ZMYM6: variants seen among roughly 807,000 people sequenced by gnomAD.
ZMYM6 encodes the protein zinc finger MYM-type protein 6.
ZMYM6 carries 90 observed loss-of-function variants against 134.0 expected under a neutral mutation model. That is an observed-to-expected ratio of 0.67 (90% CI 0.57 to 0.80). The LOEUF is 0.80. Ranked by LOEUF, ZMYM6 falls within the 30% of genes least tolerant of loss-of-function variation. The pLI, the probability that ZMYM6 is intolerant of heterozygous loss-of-function variation, is 0.00. For synonymous variants in ZMYM6, 481 were observed against 524.1 expected, an observed-to-expected ratio of 0.92 and a Z score of 1.12; for missense variants, 1,362 against 1,533.9, an observed-to-expected ratio of 0.89 and a Z score of 1.87.
At chr1:35,010,317 G>A (rs761149096) in intron 10 of ZMYM6, 130 bp downstream of exon 10, 71 of 1,223,832 alleles carry the variant, frequency 5.8e-5, no homozygotes, top group South Asian at 9.4e-5. Flanking sequence ...CTCCATGCCC[G>A]GCCTCCAAAA....
Position 34,987,714 on chromosome 1 carries a change from A to G in ZMYM6, c.3368T>C (p.Ile1123Thr), listed in dbSNP as rs1283388147. 1 of 1,550,966 alleles carries G rather than the reference A, an allele frequency of 6.4e-7. No homozygotes were observed. Among genetic ancestry groups the G allele is most frequent in the Non-Finnish European group, 8.7e-7 (1 of 1,146,776 alleles). Residue 1123 changes from isoleucine to threonine, a missense_variant, in exon 16 of 16, where the codon ATA (isoleucine) becomes ACA (threonine). Physicochemically the swap from Ile to Thr is moderately conservative, Grantham distance 89. This residue lies in a region of ZMYM6 where 824 missense variants were observed against 940.9 expected (regional missense o/e 0.88). Transcript: ENST00000357182. Reference sequence around the variant, plus strand: ...TTGGAGACTTAAATTTAATTCATTTATAAGTGAAAATATATCTGATAAGTA... The same window carrying G: ...TTGGAGACTTAAATTTAATTCATTTGTAAGTGAAAATATATCTGATAAGTA... ...LAYLSDIFSL[I>T]NELNLSLQGT...
Position 34,988,687 on chromosome 1 carries a change from T to C in ZMYM6, c.2395A>G (p.Lys799Glu). The change falls in exon 16 of 16, where the codon AAA becomes GAA. Residue 799 changes from lysine (K) to glutamate (E), a missense_variant. Physicochemically the swap from Lys to Glu is moderately conservative, Grantham distance 56. Transcript: ENST00000357182. ...LKTKHSELEN[K>E]PVDFFEQKSL... ...TTTTGTTCAAAAAAATCTACTGGTT[T>C]GTTTTCTAATTCTGAATGTTTTGTC... is the stretch of plus-strand genomic sequence containing the variant. 1 of 1,549,570 alleles carries C rather than the reference T, an allele frequency of 6.5e-7. No homozygotes were observed. Among genetic ancestry groups the C allele is most frequent in the Admixed American group, 2.0e-5 (1 of 50,692 alleles).
intron 12 of ZMYM6, among the ~76,000 whole-genome samples, chr1:35,005,623 T>C (rs1640952264): frequency 9.2e-6 from 1 of 108,348 alleles, no homozygotes; most frequent in African/African-American, 4.2e-5. Flanking sequence ...TAGCAAAACC[T>C]AGTCTCAAAA....
chr1:35,013,358 T>A (rs1362914249), intron 6 of ZMYM6: 1 of 980,252 alleles, frequency 1.0e-6, no homozygotes, highest in Non-Finnish European at 1.2e-6. Context: ...CAGTGATACA[T>A]TATAAGGTCT....
rs1428915551 is a variant in ZMYM6 at position 34,988,527 on chromosome 1, A to C, written c.2555T>G (p.Leu852Ter). 6.4e-7 allele frequency: 1 copy of C among 1,551,126 alleles called. No homozygotes were observed. The highest frequency in any genetic ancestry group is 1.2e-5 in the South Asian group (1 of 83,856). ...CATTTCTACTAAATATGGTTTAATTAATTCTTCAGCAATGGAGAATGGCTT... is the reference window on the plus strand; with the variant it reads ...CATTTCTACTAAATATGGTTTAATTCATTCTTCAGCAATGGAGAATGGCTT... ...SKKPFSIAEE[L>*]IKPYLVEMCS... Residue 852 changes from leucine (L) to a stop codon, truncating the protein, a stop_gained, in exon 16 of 16, where the codon TTA (leucine) becomes TGA (stop). Transcript: ENST00000357182. LOFTEE classifies it high-confidence loss of function.
intron 14 of ZMYM6, among the ~76,000 whole-genome samples, chr1:35,002,022 A>G (rs1046314500): frequency 2.0e-5 from 3 of 152,172 alleles, no homozygotes; most frequent in Non-Finnish European, 4.4e-5. Context: ...CATTTAGATC[A>G]CCTTCAAAAA....
chr1:35,030,948 T>A (rs1463913903), intron 1 of ZMYM6, among the ~76,000 whole-genome samples: 1 of 152,158 alleles, frequency 6.6e-6, no homozygotes. Flanking sequence ...CACAACACAC[T>A]CTGGTTTTTT....
chr1:35,031,245 T>C (rs1014699714), intron 1 of ZMYM6: 2 of 152,292 alleles, frequency 1.3e-5, no homozygotes, highest in Admixed American at 6.5e-5. Flanking sequence ...AGGAACGCCC[T>C]TACTGAAAGT....
Position 35,030,567 on chromosome 1 carries a change from CTTT to C in ZMYM6, c.70_72del (p.Lys24del), listed in dbSNP as rs1346289237. 6.2e-7 allele frequency: 1 copy of C among 1,612,790 alleles called. No individual in the cohort carries two copies. The highest frequency in any genetic ancestry group is 8.5e-7 in the Non-Finnish European group (1 of 1,179,858). On this transcript the variant is annotated inframe_deletion, in exon 2 of 16. Coordinates refer to ENST00000357182, the MANE Select transcript of ZMYM6 (RefSeq NM_007167.4). The stretch of plus-strand genomic sequence containing the variant: ...CTTACTTGAGCATTGTCTGGTTCTT[CTTT>C]AATTTTGTCCAGAAGCTCCTGCTGT...
Position 34,991,797 on chromosome 1 carries a change from A to C in ZMYM6, c.2146+437T>G, listed in dbSNP as rs1287557350. On this transcript the variant is annotated intron_variant, in intron 15 of 15. Coordinates refer to ENST00000357182, the MANE Select transcript of ZMYM6 (RefSeq NM_007167.4). Reference sequence around the variant, plus strand: ...AAAAAAACAAACAAACAAACAAAAAAAAACCCAGTGCTTTAGGCACAGTAG... The same window carrying C: ...AAAAAAACAAACAAACAAACAAAAACAAACCCAGTGCTTTAGGCACAGTAG... Among the ~76,000 whole-genome samples the C allele has an allele frequency of 1.2e-4, 19 of 152,136 alleles. No individual in the cohort carries two copies. The East Asian group carries it at 3.7e-3, about 29-fold the overall frequency.
Position 35,030,567 on chromosome 1 carries a change from CTTTAAT to C in ZMYM6, c.67_72del (p.Ile23_Lys24del). 6.2e-7 allele frequency: 1 copy of C among 1,612,790 alleles called. No homozygotes were observed. The highest frequency in any genetic ancestry group is 8.5e-7 in the Non-Finnish European group (1 of 1,179,858). On this transcript the variant is annotated inframe_deletion, in exon 2 of 16. Coordinates refer to ENST00000357182, the MANE Select transcript of ZMYM6 (RefSeq NM_007167.4). ...CTTACTTGAGCATTGTCTGGTTCTTCTTTAATTTTGTCCAGAAGCTCCTGCTGTGGT... is the reference window on the plus strand; with the variant it reads ...CTTACTTGAGCATTGTCTGGTTCTTCTTTGTCCAGAAGCTCCTGCTGTGGT...
In ZMYM6 at chr1:34,988,577, A is replaced by T. The variant is rs751889890; in HGVS notation, c.2505T>A (p.Ile835=). The T allele has an allele frequency of 4.5e-6, 7 of 1,551,026 alleles. No individual in the cohort carries two copies. The South Asian group carries it at 7.1e-5, about 16-fold the overall frequency. The change falls in exon 16 of 16, where the codon ATT becomes ATA. Residue 835 remains isoleucine, a synonymous_variant. Transcript: ENST00000357182. ...EKSLVKASYL[I]AFQTAASKKP... ...TCTTGCTTGCAGCAGTTTGGAAAGC[A>T]ATTAAATAAGAAGCTTTCACAAGTG...
chr1:35,016,355 G>A (rs1374738930), intron 4 of ZMYM6, among the ~76,000 whole-genome samples: 1 of 152,162 alleles, frequency 6.6e-6, no homozygotes, highest in African/African-American at 2.4e-5. Flanking sequence ...GGGCTGTTAA[G>A]GCTTTGTATC....
intron 15 of ZMYM6, among the ~76,000 whole-genome samples, chr1:34,991,726 C>T (rs141048689): frequency 0.011 from 1,689 of 152,006 alleles, 36 homozygotes; most frequent in African/African-American, 0.039. Flanking sequence ...GCCAAGATCA[C>T]GCTATTGCAC....
At chr1:35,025,802 T>A (rs571829005) in intron 2 of ZMYM6, among the ~76,000 whole-genome samples, 1 of 152,310 alleles carries the variant, frequency 6.6e-6, no homozygotes, top group African/African-American at 2.4e-5. Flanking sequence ...CAACCATTTA[T>A]TAATTATGTG....
chr1:35,022,153 TA>T (rs1310153194), intron 2 of ZMYM6, among the ~76,000 whole-genome samples: 1 of 152,264 alleles, frequency 6.6e-6, no homozygotes, highest in South Asian at 2.1e-4. Flanking sequence ...AGGTGCTCTC[TA>T]TAAGATATGC....
At position 35,010,866 on chromosome 1, in the gene ZMYM6, A is replaced by C; in HGVS notation, c.1233T>G (p.Pro411=). Residue 411 remains proline, a synonymous_variant, in exon 9 of 16, where the codon CCT becomes CCG. Coordinates refer to ENST00000357182, the MANE Select transcript of ZMYM6 (RefSeq NM_007167.4). ...IRGSAAASLQ[P]LAEQSQQVAL... is the part of the protein sequence containing the mutation. Reference sequence around the variant, plus strand: ...CAACTTGCTGGGATTGTTCAGCAAGAGGTTGGAGGCTGGCTGCAGCAGAGC... The same window carrying C: ...CAACTTGCTGGGATTGTTCAGCAAGCGGTTGGAGGCTGGCTGCAGCAGAGC... 1 of 1,613,964 alleles carries C rather than the reference A, an allele frequency of 6.2e-7. No homozygotes were observed. Among genetic ancestry groups the C allele is most frequent in the South Asian group, 1.1e-5 (1 of 91,046 alleles).
Position 35,030,556 on chromosome 1 carries a change from G to A in ZMYM6, c.84C>T (p.Asp28=). The change falls in exon 2 of 16, where the codon GAC becomes GAT. Residue 28 remains aspartate, a synonymous_variant. Coordinates refer to ENST00000357182, the MANE Select transcript of ZMYM6 (RefSeq NM_007167.4). The part of the protein sequence containing the change: ...ELLDKIKEEP[D]NAQEYGCVQQ... Reference sequence around the variant, plus strand: ...AAGATGAAATGCTTACTTGAGCATTGTCTGGTTCTTCTTTAATTTTGTCCA... The same window carrying A: ...AAGATGAAATGCTTACTTGAGCATTATCTGGTTCTTCTTTAATTTTGTCCA... 6.2e-7 allele frequency: 1 copy of A among 1,611,922 alleles called. No homozygotes were observed. The highest frequency in any genetic ancestry group is 8.5e-7 in the Non-Finnish European group (1 of 1,179,684).
chr1:35,029,929 T>C lies in ZMYM6; in HGVS notation c.93+618A>G, dbSNP rs371915459. On this transcript the variant is annotated intron_variant, in intron 2 of 15. Transcript: ENST00000357182. ...AATCTCTGCCTCCTCTACTAACATA[T>C]AAGCTCTACAAGGGAAGGGACTAAG... Among the ~76,000 whole-genome samples the C allele has an allele frequency of 1.1e-4, 16 of 152,282 alleles. No individual in the cohort carries two copies. The East Asian group carries it at 1.9e-3, about 18-fold the overall frequency.
Sources: gnomAD v4.1 joint callset for allele counts (sites outside exome capture counted in the v4.1 genomes callset) on GRCh38, gnomAD v4.1.1 for gene constraint, gnomAD v4.1.1 regional missense constraint, MANE v1.5 for transcripts, NCBI Gene and HGNC (gene_info 2026-07-23, HGNC 2026-07-21) for gene names.